Variants in CCDC92B observed in about 807,000 individuals in gnomAD.
The protein encoded by CCDC92B is coiled-coil domain-containing 92B.
CCDC92B carries 2 observed loss-of-function variants against 5.6 expected under a neutral mutation model. The observed-to-expected ratio is 0.36, with a 90% CI of 0.15 to 1.12. The LOEUF (loss-of-function observed/expected upper bound fraction) is 1.12, where lower values mean the gene tolerates loss of function less well. CCDC92B is among the 50% of genes most tolerant of loss of function. CCDC92B has a pLI of 0.40. For synonymous variants in CCDC92B, 115 were observed against 122.3 expected, an observed-to-expected ratio of 0.94 and a Z score of 0.39; for missense variants, 271 against 262.2, an observed-to-expected ratio of 1.03 and a Z score of -0.23.
In CCDC92B at chr17:2,730,574, A is replaced by T. The variant is rs752490751; in HGVS notation, c.131-81T>A. ...GTGTGTGTGTGTGTGAGAGAGAGAG[A>T]GAGAGAGAGAGATCATGGAATTACA... On this transcript the variant is annotated intron_variant, in intron 2 of 3. Transcript: ENST00000614400. 3.4e-3 allele frequency: 1,875 copies of T among 548,042 alleles called. 7 individuals are homozygous for T. The highest frequency in any genetic ancestry group is 4.9e-3 in the Admixed American group (61 of 12,508). 33.9% of individuals were successfully genotyped at this position (548,042 alleles called of 1,614,324 possible).
chr17:2,741,868 A>G (rs1217022950), intron 1 of CCDC92B, among the ~76,000 whole-genome samples: 2 of 150,610 alleles, frequency 1.3e-5, no homozygotes, highest in East Asian at 2.0e-4. Flanking sequence ...CTGGGATCAC[A>G]GGCGTGAGCC....
intron 3 of CCDC92B, among the ~76,000 whole-genome samples, chr17:2,727,760 G>C (rs899867542): frequency 1.2e-4 from 18 of 150,938 alleles, no homozygotes; most frequent in South Asian, 4.2e-4. Context: ...GGAGGCGGAG[G>C]TTGCAGTGAG....
chr17:2,726,675 A>G (rs955841383), intron 3 of CCDC92B, among the ~76,000 whole-genome samples: 8 of 150,724 alleles, frequency 5.3e-5, no homozygotes, highest in African/African-American at 2.0e-4. Flanking sequence ...GTGCAGTGGC[A>G]TGATCTCGGT....
rs1013714313 is a variant in CCDC92B at position 2,722,636 on chromosome 17, G to C, written c.*1775C>G. 6.6e-6 allele frequency: 1 copy of C among 152,408 alleles called. No homozygotes were observed. Among genetic ancestry groups the C allele is most frequent in the Non-Finnish European group, 1.5e-5 (1 of 68,090 alleles). The allele number at this position is 152,408 out of a possible 1,614,324, so 9.4% of individuals were successfully genotyped here. On this transcript the variant is annotated 3_prime_UTR_variant, in exon 4 of 4. Coordinates refer to ENST00000614400, the MANE Select transcript of CCDC92B (RefSeq NM_001355573.2). ...TCTGGGACTCCCCCTTCTTCATGGG[G>C]CTGTGATGGGAGAAGAGCTCGTCAC...
Position 2,724,188 on chromosome 17 carries a change from C to T in CCDC92B, c.*223G>A, listed in dbSNP as rs1045528215. 7.1e-6 allele frequency: 7 copies of T among 985,316 alleles called. No individual in the cohort carries two copies. In the African/African-American group the frequency reaches 1.2e-4, roughly 17 times the overall value. The allele number at this position is 985,316 out of a possible 1,614,324, so 61.0% of individuals were successfully genotyped here. ...GTAGAGAAGGTGCCCCCGCTCGGCC[C>T]CGCGGAGGAACTCTCGCGCGAGGAG... is the stretch of plus-strand genomic sequence containing the variant. On this transcript the variant is annotated 3_prime_UTR_variant, in exon 4 of 4. Coordinates refer to ENST00000614400, the MANE Select transcript of CCDC92B (RefSeq NM_001355573.2). The surrounding 1 kb of genome is among the most constrained non-coding windows in gnomAD (Gnocchi z 5.0).
chr17:2,734,077 T>C (rs2070831266), intron 2 of CCDC92B, among the ~76,000 whole-genome samples: 1 of 151,988 alleles, frequency 6.6e-6, no homozygotes. Flanking sequence ...GGATTTCTTA[T>C]CTGTCTCCTT....
chr17:2,733,427 T>C (rs2070819668), intron 2 of CCDC92B, among the ~76,000 whole-genome samples: 1 of 151,806 alleles, frequency 6.6e-6, no homozygotes, highest in South Asian at 2.1e-4. Context: ...GTCCGGCTAA[T>C]TTTGTATTTT....
chr17:2,744,002 C>G (rs918424613), intron 1 of CCDC92B, among the ~76,000 whole-genome samples: 1 of 152,142 alleles, frequency 6.6e-6, no homozygotes, highest in East Asian at 1.9e-4. Context: ...CGCAGCCTCC[C>G]GAGTAGCTGG....
At chr17:2,729,612 G>C (rs565331338) in intron 3 of CCDC92B, among the ~76,000 whole-genome samples, 205 of 151,652 alleles carry the variant, frequency 1.4e-3, no homozygotes, top group Middle Eastern at 3.4e-3. Flanking sequence ...TGATGATAAA[G>C]ATCTCAAGAA....
At chr17:2,738,436 C>T (rs2151743095) in intron 1 of CCDC92B, among the ~76,000 whole-genome samples, 1 of 152,146 alleles carries the variant, frequency 6.6e-6, no homozygotes, top group East Asian at 1.9e-4. Context: ...GGCTGCAAAT[C>T]CTACCATCCT....
chr17:2,737,858 T>C (rs1412662206), intron 1 of CCDC92B, among the ~76,000 whole-genome samples: 1 of 151,970 alleles, frequency 6.6e-6, no homozygotes, highest in Non-Finnish European at 1.5e-5. Context: ...CCATCTGCTA[T>C]GTTCAGGGAA....
intron 2 of CCDC92B, among the ~76,000 whole-genome samples, chr17:2,731,756 G>A (rs888449727): frequency 3.3e-5 from 5 of 152,210 alleles, no homozygotes; most frequent in Admixed American, 1.3e-4. Flanking sequence ...TACCTCCAGG[G>A]CTTCCTGGGA....
At chr17:2,729,950 C>A (rs1278773769) in intron 3 of CCDC92B, among the ~76,000 whole-genome samples, 1 of 152,142 alleles carries the variant, frequency 6.6e-6, no homozygotes, top group African/African-American at 2.4e-5. Context: ...TCCTGACATG[C>A]ATCTTGACAC....
chr17:2,737,362 C>T (rs149234109), intron 1 of CCDC92B, among the ~76,000 whole-genome samples: 4 of 151,728 alleles, frequency 2.6e-5, no homozygotes, highest in East Asian at 3.9e-4. Flanking sequence ...GGGGTTACAT[C>T]GAGCAGGTCC....
In CCDC92B at chr17:2,724,653, G is replaced by T; in HGVS notation, c.526C>A (p.Pro176Thr). ...GCGGCGGCCTCGTGGGCAGCAGGCG[G>T]GCGGCGGGCTCGCAGTGCGCGGCGG... is the stretch of plus-strand genomic sequence containing the variant. ...PRRRALRARR[P>T]PAAHEAAAKG... The change falls in exon 4 of 4, where the codon CCG (proline) becomes ACG (threonine). Residue 176 changes from proline to threonine, a missense_variant. Pro to Thr is a conservative substitution (Grantham distance 38, BLOSUM62 -1). Coordinates refer to ENST00000614400, the MANE Select transcript of CCDC92B (RefSeq NM_001355573.2). This position sits in a 1 kb window ranked among gnomAD's most constrained non-coding sequence, Gnocchi z 5.0. The T allele has an allele frequency of 2.0e-6, 2 of 981,720 alleles. No homozygotes were observed. The highest frequency in any genetic ancestry group is 4.5e-5 in the South Asian group (1 of 22,052). 60.8% of individuals were successfully genotyped at this position (981,720 alleles called of 1,614,324 possible).
intron 3 of CCDC92B, among the ~76,000 whole-genome samples, chr17:2,725,975 C>T (rs2070723683): frequency 7.1e-6 from 1 of 141,582 alleles, no homozygotes; most frequent in South Asian, 2.2e-4. Flanking sequence ...CTCCATAGGG[C>T]ATTTTATCAC....
chr17:2,724,794 C>G lies in CCDC92B; in HGVS notation c.385G>C (p.Glu129Gln). The G allele has an allele frequency of 1.0e-6, 1 of 984,792 alleles. No homozygotes were observed. The highest frequency in any genetic ancestry group is 1.2e-6 in the Non-Finnish European group (1 of 829,764). The allele number at this position is 984,792 out of a possible 1,614,324, so 61.0% of individuals were successfully genotyped here. A position where few individuals can be genotyped will look rare whatever the true frequency, so the allele number is the denominator to read the frequency against. Reference protein sequence around the residue: ...RSHRATVLGTELQKHTEAAAY... With the variant: ...RSHRATVLGTQLQKHTEAAAY... ...GCCGCCTCGGTGTGCTTCTGCAGCT[C>G]GGTGCCCAGCACGGTGGCGCGGTGG... Residue 129 changes from glutamate to glutamine, a missense_variant, in exon 4 of 4, where the codon GAG (glutamate) becomes CAG (glutamine). Physicochemically the swap from Glu to Gln is conservative, Grantham distance 29. Coordinates refer to ENST00000614400, the MANE Select transcript of CCDC92B (RefSeq NM_001355573.2). This position sits in a 1 kb window ranked among gnomAD's most constrained non-coding sequence, Gnocchi z 5.0.
chr17:2,743,720 T>A (rs2070950767), intron 1 of CCDC92B, among the ~76,000 whole-genome samples: 1 of 152,160 alleles, frequency 6.6e-6, no homozygotes. Flanking sequence ...ATTCCCCTCC[T>A]TCATTCAGGA....
intron 2 of CCDC92B, 44 bp downstream of exon 2, chr17:2,734,971 AC>A (rs869030952): frequency 1.7e-5 from 16 of 957,504 alleles, no homozygotes; most frequent in African/African-American, 1.8e-5. Flanking sequence ...TGTGATGATG[AC>A]AGTGACCTCT....
Sources: gnomAD v4.1 joint callset for allele counts (sites outside exome capture counted in the v4.1 genomes callset) on GRCh38, gnomAD v4.1.1 for gene constraint, Gnocchi (gnomAD v3.1) non-coding constraint, MANE v1.5 for transcripts, NCBI Gene and HGNC (gene_info 2026-07-23, HGNC 2026-07-21) for gene names.